ROBO2: variants seen among roughly 807,000 people sequenced by gnomAD.
The protein encoded by ROBO2 is roundabout guidance receptor 2.
In ROBO2, 53 loss-of-function variants were observed where a neutral mutation model predicts 160.8. The observed-to-expected ratio is 0.33, with a 90% CI of 0.26 to 0.41. ROBO2 has a LOEUF of 0.41. ROBO2 is among the 10% of genes least tolerant of loss of function. ROBO2 has a pLI of 1.00. For synonymous variants in ROBO2, 664 were observed against 611.7 expected, an observed-to-expected ratio of 1.09 and a Z score of -1.26; for missense variants, 1,577 against 1,722.4, an observed-to-expected ratio of 0.92 and a Z score of 1.49.
chr3:76,313,553 C>T (rs2071751158), intron 2 of ROBO2, among the ~76,000 whole-genome samples: 1 of 152,168 alleles, frequency 6.6e-6, no homozygotes. Flanking sequence ...AAATTAAACA[C>T]TGTGGCCAGA....
intron 2 of ROBO2, among the ~76,000 whole-genome samples, chr3:76,162,336 G>A (rs900610873): frequency 4.6e-5 from 7 of 152,040 alleles, no homozygotes; most frequent in Admixed American, 1.3e-4. Flanking sequence ...AGGAGACAGG[G>A]TCTTGCTCTG....
intron 2 of ROBO2, among the ~76,000 whole-genome samples, chr3:76,998,112 G>A (rs1176239808): frequency 2.0e-5 from 3 of 152,096 alleles, no homozygotes; most frequent in Non-Finnish European, 4.4e-5. Flanking sequence ...ATCTCTTCAT[G>A]GAAGATTCTA....
intron 5 of ROBO2, among the ~76,000 whole-genome samples, chr3:77,513,408 G>A (rs578136136): frequency 6.6e-6 from 1 of 151,782 alleles, no homozygotes; most frequent in Admixed American, 6.6e-5. Context: ...AATAAATTTA[G>A]CCATATAGGA....
chr3:75,949,184 A>G (rs1948442580), intron 2 of ROBO2, among the ~76,000 whole-genome samples: 1 of 152,110 alleles, frequency 6.6e-6, no homozygotes, highest in East Asian at 1.9e-4. Flanking sequence ...ATAACAACAC[A>G]CTATCTTTAG....
chr3:76,840,111 TTTTG>T (rs1417586851), intron 2 of ROBO2, among the ~76,000 whole-genome samples: 3 of 152,222 alleles, frequency 2.0e-5, no homozygotes, highest in Admixed American at 6.5e-5. Flanking sequence ...TTTTTTCAAA[TTTTG>T]TTTATCTTTT....
At chr3:76,212,649 T>G (rs1397063151) in intron 2 of ROBO2, among the ~76,000 whole-genome samples, 1 of 152,094 alleles carries the variant, frequency 6.6e-6, no homozygotes, top group Non-Finnish European at 1.5e-5. Flanking sequence ...AAATTACAAG[T>G]GTGGTAGGAT....
At chr3:77,033,039 T>G (rs1170278594) in intron 2 of ROBO2, among the ~76,000 whole-genome samples, 1 of 152,186 alleles carries the variant, frequency 6.6e-6, no homozygotes, top group African/African-American at 2.4e-5. Flanking sequence ...ACAATTAAAA[T>G]GTACACTGGA....
intron 2 of ROBO2, among the ~76,000 whole-genome samples, chr3:76,211,940 A>C (rs1045734211): frequency 6.6e-6 from 1 of 152,070 alleles, no homozygotes; most frequent in Non-Finnish European, 1.5e-5. Flanking sequence ...ATATGAAACA[A>C]GTGACTACAA....
chr3:76,940,390 T>A (rs1363636850), intron 2 of ROBO2, among the ~76,000 whole-genome samples: 1 of 152,222 alleles, frequency 6.6e-6, no homozygotes, highest in East Asian at 1.9e-4. Flanking sequence ...ATCTCATTGT[T>A]ATTCTCAAAT....
At chr3:76,450,667 A>G (rs2077427931) in intron 2 of ROBO2, among the ~76,000 whole-genome samples, 2 of 152,122 alleles carry the variant, frequency 1.3e-5, no homozygotes, top group Non-Finnish European at 2.9e-5. Context: ...GACTTTAAAT[A>G]TTACTGACCT....
chr3:76,769,570 C>T (rs2061767470), intron 2 of ROBO2, among the ~76,000 whole-genome samples: 1 of 151,306 alleles, frequency 6.6e-6, no homozygotes, highest in Non-Finnish European at 1.5e-5. Context: ...AAATATGAAA[C>T]AAAAAGACAA....
At chr3:77,145,789 T>G (rs1450025039) in intron 2 of ROBO2, among the ~76,000 whole-genome samples, 2 of 152,204 alleles carry the variant, frequency 1.3e-5, no homozygotes, top group Admixed American at 1.3e-4. Context: ...TTCTTATTTT[T>G]TAATTAATAT....
chr3:77,270,575 A>AGGC (rs532877475), intron 2 of ROBO2, among the ~76,000 whole-genome samples: 2,038 of 66,944 alleles, frequency 0.03, 50 homozygotes, highest in African/African-American at 0.12. Context: ...TACAAAAATA[A>AGGC]GATATAAGAA....
At chr3:77,488,647 C>T (rs1050777529) in intron 4 of ROBO2, among the ~76,000 whole-genome samples, 2 of 152,150 alleles carry the variant, frequency 1.3e-5, no homozygotes, top group African/African-American at 4.8e-5. Flanking sequence ...ACTTTCTAAT[C>T]CACCTAGCTT....
intron 1 of ROBO2, among the ~76,000 whole-genome samples, chr3:75,912,886 A>C (rs1420836111): frequency 6.6e-6 from 1 of 152,158 alleles, no homozygotes; most frequent in Non-Finnish European, 1.5e-5. Flanking sequence ...TCACTATTGC[A>C]CTTTATTTCC....
At chr3:77,196,101 C>T (rs2082283757) in intron 2 of ROBO2, among the ~76,000 whole-genome samples, 2 of 152,174 alleles carry the variant, frequency 1.3e-5, no homozygotes. Context: ...TATTTAGAGC[C>T]TTCCCTGGCA....
intron 2 of ROBO2, among the ~76,000 whole-genome samples, chr3:76,034,087 G>C (rs1013517182): frequency 6.6e-6 from 1 of 152,188 alleles, no homozygotes; most frequent in Non-Finnish European, 1.5e-5. Flanking sequence ...CCTTAGAAAA[G>C]GGGCATAGGC....
At chr3:76,745,021 T>C (rs1454094142) in intron 2 of ROBO2, among the ~76,000 whole-genome samples, 1 of 152,230 alleles carries the variant, frequency 6.6e-6, no homozygotes, top group African/African-American at 2.4e-5. Context: ...ACGAATGTTC[T>C]GTAAAATTGT....
intron 2 of ROBO2, among the ~76,000 whole-genome samples, chr3:77,188,968 T>TGTGTGAGAGAGA (rs550237793): frequency 8.4e-5 from 12 of 142,198 alleles, no homozygotes; most frequent in Non-Finnish European, 1.7e-4. Flanking sequence ...TGTGTGTGTG[T>TGTGTGAGAGAGA]GAGAGAGAGA....
Sources: gnomAD v4.1 joint callset for allele counts (sites outside exome capture counted in the v4.1 genomes callset) on GRCh38, gnomAD v4.1.1 for gene constraint, MANE v1.5 for transcripts, NCBI Gene and HGNC (gene_info 2026-07-23, HGNC 2026-07-21) for gene names.